The following MUL1 variants were observed in gnomAD, a reference collection of about 807,000 sequenced individuals.
MUL1 encodes mitochondrial E3 ubiquitin protein ligase 1.
MUL1 carries 30 observed loss-of-function variants against 34.1 expected under a neutral mutation model. The ratio of observed to expected loss-of-function variants is 0.88; its 90% CI spans 0.66 to 1.19. MUL1 has a LOEUF of 1.19. MUL1 is among the 50% of genes most tolerant of loss of function. The pLI is 0.00. For missense variants in MUL1, 419 were observed against 450.5 expected (o/e 0.93, Z 0.63); for synonymous variants, 191 against 187.8 (o/e 1.02, Z -0.14).
At chr1:20,503,857 G>A (rs1389768760) in intron 1 of MUL1, among the ~76,000 whole-genome samples, 1 of 151,752 alleles carries the variant, frequency 6.6e-6, no homozygotes, top group Non-Finnish European at 1.5e-5. Context: ...GTTAACTGGT[G>A]CCAAATGCCA....
chr1:20,501,504 A>G lies in MUL1; in HGVS notation c.330-85T>C. On this transcript the variant is annotated intron_variant, in intron 3 of 3. Transcript: ENST00000264198. This position sits in a 1 kb window ranked among gnomAD's most constrained non-coding sequence, Gnocchi z 4.2. ...TGGAGATCAACTAAATGTGGAGGAC[A>G]GCATATGGTCTGAAGTAACTGGAAG... is the stretch of plus-strand genomic sequence containing the variant. The G allele has an allele frequency of 6.9e-7, 1 of 1,455,404 alleles. No individual in the cohort carries two copies. Among genetic ancestry groups the G allele is most frequent in the South Asian group, 1.3e-5 (1 of 77,908 alleles). The allele number at this position is 1,455,404 out of a possible 1,614,324, so 90.2% of individuals were successfully genotyped here. A position where few individuals can be genotyped will look rare whatever the true frequency, so the allele number is the denominator to read the frequency against.
intron 1 of MUL1, among the ~76,000 whole-genome samples, chr1:20,505,804 A>G (rs530198489): frequency 6.6e-6 from 1 of 152,140 alleles, no homozygotes; most frequent in East Asian, 1.9e-4. Flanking sequence ...AAAGGTTTTA[A>G]GGTCACCCAA....
In MUL1 at chr1:20,501,030, C is replaced by T. The variant is rs1333551631; in HGVS notation, c.719G>A (p.Trp240Ter). 1.2e-6 allele frequency: 2 copies of T among 1,613,984 alleles called. No individual in the cohort carries two copies. Among genetic ancestry groups the T allele is most frequent in the Non-Finnish European group, 1.7e-6 (2 of 1,180,062 alleles). The change falls in exon 4 of 4, where the codon TGG (tryptophan) becomes TAG (stop). Residue 240 changes from tryptophan to a stop codon, truncating the protein, a stop_gained. Transcript: ENST00000264198. LOFTEE classifies it high-confidence loss of function. The surrounding 1 kb of genome is among the most constrained non-coding windows in gnomAD (Gnocchi z 4.2). Reference sequence around the variant, plus strand: ...GCCAAAAACCAGCGCCAGCACCTTCCAGAGCCTGACGCTCGACTCCTGCCT... The same window carrying T: ...GCCAAAAACCAGCGCCAGCACCTTCTAGAGCCTGACGCTCGACTCCTGCCT... The part of the protein sequence containing the change: ...LQRQESSVRL[W>*]KVLALVFGFA...
chr1:20,501,315 A>G lies in MUL1; in HGVS notation c.434T>C (p.Leu145Pro), dbSNP rs2051657795. The change falls in exon 4 of 4, where the codon CTG becomes CCG. Residue 145 changes from leucine (L) to proline (P), a missense_variant. Physicochemically the swap from Leu to Pro is moderately conservative, Grantham distance 98 (BLOSUM62 -3). Coordinates refer to ENST00000264198, the MANE Select transcript of MUL1 (RefSeq NM_024544.3). This position sits in a 1 kb window ranked among gnomAD's most constrained non-coding sequence, Gnocchi z 4.2. The part of the protein sequence containing the change: ...VDVAVRVLKP[L>P]DSVDLGLETV... ...CTCTAGACCCAGATCCACTGAGTCC[A>G]GGGGCTTCAGCACTCGCACAGCCAC... The G allele has an allele frequency of 1.2e-6, 2 of 1,614,190 alleles. No homozygotes were observed. Among genetic ancestry groups the G allele is most frequent in the Non-Finnish European group, 1.7e-6 (2 of 1,180,020 alleles).
chr1:20,502,115 T>C lies in MUL1; in HGVS notation c.283A>G (p.Thr95Ala). The part of the protein sequence containing the change: ...ENCKGVIQRL[T>A]LQEHKMVWNR... ...CACACCATCTTGTGCTCCTGAAGTG[T>C]CAGCCGCTGAATTACCCCCTTGCAG... The change falls in exon 3 of 4, where the codon ACA (threonine) becomes GCA (alanine). Residue 95 changes from threonine to alanine, a missense_variant. Coordinates refer to ENST00000264198, the MANE Select transcript of MUL1 (RefSeq NM_024544.3). The C allele has an allele frequency of 6.2e-7, 1 of 1,614,128 alleles. No individual in the cohort carries two copies. The highest frequency in any genetic ancestry group is 8.5e-7 in the Non-Finnish European group (1 of 1,180,036).
In MUL1 at chr1:20,499,476, T is replaced by C. The variant is rs1030382829; in HGVS notation, c.*1214A>G. 4 of 152,286 alleles carry C rather than the reference T, an allele frequency of 2.6e-5. No homozygotes were observed. The highest frequency in any genetic ancestry group is 5.9e-5 in the Non-Finnish European group (4 of 68,074). The allele number at this position is 152,286 out of a possible 1,614,324, so 9.4% of individuals were successfully genotyped here. On this transcript the variant is annotated 3_prime_UTR_variant, in exon 4 of 4. Transcript: ENST00000264198. The stretch of plus-strand genomic sequence containing the variant: ...GTTGCAACATGTTTAATTTCTGCTG[T>C]TCACACTGGACACTGCATCATACTA...
intron 1 of MUL1, among the ~76,000 whole-genome samples, chr1:20,505,354 G>A (rs2051703166): frequency 6.6e-6 from 1 of 152,030 alleles, no homozygotes; most frequent in African/African-American, 2.4e-5. Context: ...GGAGTCCAAA[G>A]TGGGATAGCT....
rs1410583127 is a variant in MUL1 at position 20,499,767 on chromosome 1, G to A, written c.*923C>T. ...CAAAGCTGCGACGGGCTGGATGAGG[G>A]AGCCCCAAGAGGGCATATGCTCAGG... On this transcript the variant is annotated 3_prime_UTR_variant, in exon 4 of 4. Coordinates refer to ENST00000264198, the MANE Select transcript of MUL1 (RefSeq NM_024544.3). The A allele has an allele frequency of 6.6e-6, 1 of 152,196 alleles. No homozygotes were observed. Among genetic ancestry groups the A allele is most frequent in the Non-Finnish European group, 1.5e-5 (1 of 68,058 alleles). The allele number at this position is 152,196 out of a possible 1,614,324, so 9.4% of individuals were successfully genotyped here. A position where few individuals can be genotyped will look rare whatever the true frequency, so the allele number is the denominator to read the frequency against.
intron 1 of MUL1, among the ~76,000 whole-genome samples, chr1:20,503,536 C>T (rs1200952533): frequency 6.6e-6 from 1 of 152,176 alleles, no homozygotes; most frequent in Non-Finnish European, 1.5e-5. Flanking sequence ...GTGCCACATA[C>T]ATTCTTGTTC....
Position 20,500,874 on chromosome 1 carries a change from G to A in MUL1, c.875C>T (p.Pro292Leu). Residue 292 changes from proline (P) to leucine (L), a missense_variant, in exon 4 of 4, where the codon CCT becomes CTT. Pro to Leu is a moderately conservative substitution (Grantham distance 98). Transcript: ENST00000264198. The part of the protein sequence containing the change: ...HEAQLLSRAK[P>L]EDRESLKSAC... Reference sequence around the variant, plus strand: ...GCTCTTCAGACTCTCCCTGTCCTCAGGCTTGGCTCGGCTCAGCAGCTGGGC... The same window carrying A: ...GCTCTTCAGACTCTCCCTGTCCTCAAGCTTGGCTCGGCTCAGCAGCTGGGC... 6.2e-7 allele frequency: 1 copy of A among 1,614,146 alleles called. No individual in the cohort carries two copies. Among genetic ancestry groups the A allele is most frequent in the South Asian group, 1.1e-5 (1 of 91,076 alleles).
At chr1:20,506,175 G>T (rs968772023) in intron 1 of MUL1, among the ~76,000 whole-genome samples, 1 of 152,106 alleles carries the variant, frequency 6.6e-6, no homozygotes, top group Admixed American at 6.5e-5. Context: ...AAAACAATCT[G>T]ATAATTAAGT....
chr1:20,504,646 G>C (rs908144811), intron 1 of MUL1, among the ~76,000 whole-genome samples: 2 of 152,156 alleles, frequency 1.3e-5, no homozygotes. Context: ...CTCATTATCT[G>C]TCTCCCTCCA....
In MUL1 at chr1:20,507,916, G is replaced by C; in HGVS notation, c.109C>G (p.Gln37Glu). ...GCTCCAGCACTGACCTTGAGCTCTTGGGAGACCCGGGCCTTCTGCCGGTAC... is the reference window on the plus strand; with the variant it reads ...GCTCCAGCACTGACCTTGAGCTCTTCGGAGACCCGGGCCTTCTGCCGGTAC... ...SVYRQKARVS[Q>E]ELKGAKKVHL... The change falls in exon 1 of 4, where the codon CAA becomes GAA. Residue 37 changes from glutamine (Q) to glutamate (E), a missense_variant. Coordinates refer to ENST00000264198, the MANE Select transcript of MUL1 (RefSeq NM_024544.3). 6.3e-7 allele frequency: 1 copy of C among 1,596,698 alleles called. No individual in the cohort carries two copies. Among genetic ancestry groups the C allele is most frequent in the East Asian group, 2.3e-5 (1 of 44,188 alleles).
At chr1:20,504,386 G>A (rs1384343666) in intron 1 of MUL1, among the ~76,000 whole-genome samples, 2 of 152,210 alleles carry the variant, frequency 1.3e-5, no homozygotes, top group African/African-American at 4.8e-5. Context: ...GCCAGGCACT[G>A]TGCTGGGTGT....
At position 20,499,769 on chromosome 1, in the gene MUL1, G is replaced by C. The variant is rs1313350181; in HGVS notation, c.*921C>G. On this transcript the variant is annotated 3_prime_UTR_variant, in exon 4 of 4. Transcript: ENST00000264198. ...AAGCTGCGACGGGCTGGATGAGGGA[G>C]CCCCAAGAGGGCATATGCTCAGGGT... The C allele has an allele frequency of 6.6e-6, 1 of 152,214 alleles. No homozygotes were observed. Among genetic ancestry groups the C allele is most frequent in the Non-Finnish European group, 1.5e-5 (1 of 68,068 alleles). 9.4% of individuals were successfully genotyped at this position (152,214 alleles called of 1,614,324 possible). A position where few individuals can be genotyped will look rare whatever the true frequency, so the allele number is the denominator to read the frequency against.
intron 1 of MUL1, 102 bp downstream of exon 1, chr1:20,507,803 T>C: frequency 1.4e-6 from 2 of 1,471,764 alleles, no homozygotes; most frequent in South Asian, 1.3e-5. Flanking sequence ...GTTTCCTTTT[T>C]TGGACAGTTT....
Position 20,500,986 on chromosome 1 carries a change from G to T in MUL1, c.763C>A (p.Leu255Ile). The stretch of plus-strand genomic sequence containing the variant: ...TACTGCTTCCGGAGAATGAAGAAGA[G>T]GGTGGCACATGTGGCAAAGCCAAAA... ...LVFGFATCATLFFILRKQYLQ... is the reference protein window; with the variant it reads ...LVFGFATCATIFFILRKQYLQ... The change falls in exon 4 of 4, where the codon CTC (leucine) becomes ATC (isoleucine). Residue 255 changes from leucine (L) to isoleucine (I), a missense_variant. Coordinates refer to ENST00000264198, the MANE Select transcript of MUL1 (RefSeq NM_024544.3). The T allele has an allele frequency of 6.2e-7, 1 of 1,614,058 alleles. No individual in the cohort carries two copies. The highest frequency in any genetic ancestry group is 1.7e-5 in the Admixed American group (1 of 60,030).
In MUL1 at chr1:20,500,802, T is replaced by C. The variant is rs746817227; in HGVS notation, c.947A>G (p.Glu316Gly). The C allele has an allele frequency of 5.6e-6, 9 of 1,614,074 alleles. No homozygotes were observed. Among genetic ancestry groups the C allele is most frequent in the Non-Finnish European group, 7.6e-6 (9 of 1,180,008 alleles). ...LSSFKSCVFL[E>G]CGHVCSCTEC... ...GGTGCAGGAACAAACGTGCCCACAC[T>C]CCAGAAAGACGCAGGACTTGAAGCT... Residue 316 changes from glutamate to glycine, a missense_variant, in exon 4 of 4, where the codon GAG becomes GGG. By Grantham distance (98) the Glu-to-Gly change is moderately conservative. Coordinates refer to ENST00000264198, the MANE Select transcript of MUL1 (RefSeq NM_024544.3).
At chr1:20,505,582 C>CAAAAAAAA (rs11338654) in intron 1 of MUL1, among the ~76,000 whole-genome samples, 20 of 57,126 alleles carry the variant, frequency 3.5e-4, no homozygotes, top group Non-Finnish European at 3.9e-4. Context: ...GACCATGTCT[C>CAAAAAAAA]AAAAAAAAAA....
Sources: allele counts gnomAD v4.1 joint callset (sites outside exome capture counted in the v4.1 genomes callset), GRCh38; gene constraint gnomAD v4.1.1; non-coding constraint Gnocchi (gnomAD v3.1); transcripts MANE v1.5; gene names NCBI Gene and HGNC (gene_info 2026-07-23, HGNC 2026-07-21).